The following MROH1 variants were observed in gnomAD, a reference collection of about 807,000 sequenced individuals.
MROH1 encodes the protein maestro heat-like repeat-containing protein family member 1.
A neutral mutation model predicts 116.5 loss-of-function variants in MROH1; 117 were observed. The ratio of observed to expected loss-of-function variants is 1.00; its 90% CI spans 0.86 to 1.17. The LOEUF (loss-of-function observed/expected upper bound fraction) is 1.17, where lower values mean the gene tolerates loss of function less well. Ranked by LOEUF, MROH1 falls within the 50% of genes most tolerant of loss-of-function variation. The probability of loss-of-function intolerance (pLI) is 0.00; values close to 1 mark genes in which losing one functional copy is unlikely to be tolerated. For missense variants in MROH1, 1,873 were observed against 1,338.5 expected (o/e 1.40, Z -6.23); for synonymous variants, 921 against 583.9 (o/e 1.58, Z -8.32).
At chr8:144,173,561 G>T (rs993708739) in intron 4 of MROH1, among the ~76,000 whole-genome samples, 9 of 151,946 alleles carry the variant, frequency 5.9e-5, no homozygotes, top group Non-Finnish European at 1.3e-4. Flanking sequence ...GAGTAGCTGG[G>T]ATTACAGGTG....
intron 32 of MROH1, among the ~76,000 whole-genome samples, chr8:144,249,860 C>T (rs886918905): frequency 9.9e-5 from 15 of 152,192 alleles, no homozygotes; most frequent in African/African-American, 3.1e-4. Context: ...GCCAGGGGAG[C>T]CTGAGAGTTG....
chr8:144,236,720 G>A (rs970455406), intron 14 of MROH1, among the ~76,000 whole-genome samples: 1 of 151,016 alleles, frequency 6.6e-6, no homozygotes, highest in African/African-American at 2.4e-5. Context: ...TCCAGCCTGG[G>A]TGACAGAGCG....
At position 144,243,619 on chromosome 8, in the gene MROH1, G is replaced by A. The variant is rs1214792822; in HGVS notation, c.2475+3G>A. 1.3e-6 allele frequency: 1 copy of A among 778,984 alleles called. No homozygotes were observed. The highest frequency in any genetic ancestry group is 2.4e-6 in the Non-Finnish European group (1 of 417,838). The allele number at this position is 778,984 out of a possible 1,614,324, so 48.3% of individuals were successfully genotyped here. A position where few individuals can be genotyped will look rare whatever the true frequency, so the allele number is the denominator to read the frequency against. ...CAGAGCTGGTGGCACAGATGATGGT[G>A]AGCGTGGCCGTGGCCTGGCAGGTCC... is the stretch of plus-strand genomic sequence containing the variant. On this transcript the variant is annotated splice_donor_region_variant and intron_variant, in intron 25 of 43. Coordinates refer to ENST00000326134, the MANE Select transcript of MROH1 (RefSeq NM_032450.3).
intron 3 of MROH1, among the ~76,000 whole-genome samples, chr8:144,165,234 T>C (rs1056041129): frequency 6.6e-6 from 1 of 151,790 alleles, no homozygotes; most frequent in African/African-American, 2.4e-5. Context: ...TCTCCCTGCC[T>C]CAGCCTCCAG....
intron 11 of MROH1, 54 bp downstream of exon 11, chr8:144,199,254 ACTG>A: frequency 6.4e-7 from 1 of 1,563,386 alleles, no homozygotes; most frequent in Non-Finnish European, 8.7e-7. Context: ...TCACAGGGTC[ACTG>A]CCTGCTGTAT....
chr8:144,247,113 C>T (rs1842050905), intron 29 of MROH1, among the ~76,000 whole-genome samples, 188 bp from the exon 30 acceptor site: 1 of 152,050 alleles, frequency 6.6e-6, no homozygotes, highest in Non-Finnish European at 1.5e-5. Context: ...AGCTGAGCAG[C>T]GCCCACGCTG....
intron 4 of MROH1, 51 bp downstream of exon 4, chr8:144,168,491 G>C: frequency 1.3e-6 from 2 of 1,549,812 alleles, no homozygotes; most frequent in Non-Finnish European, 1.7e-6. Context: ...TGGTCGGTTG[G>C]GGCTTACTTG....
chr8:144,224,392 G>T (rs554997057), intron 14 of MROH1, among the ~76,000 whole-genome samples: 20 of 152,170 alleles, frequency 1.3e-4, no homozygotes, highest in Admixed American at 1.2e-3. Flanking sequence ...TCAGCCTCCT[G>T]AGTAGCTGGG....
In MROH1 at chr8:144,244,468, G is replaced by A. The variant is rs929375986; in HGVS notation, c.2695G>A (p.Ala899Thr). The part of the protein sequence containing the change: ...QKSLYLETLH[A>T]LEDLLTSLLQ... Reference sequence around the variant, plus strand: ...GTCCCTGTATCTGGAGACACTGCACGCCCTTGAGGATCTGCTGACGAGCCT... The same window carrying A: ...GTCCCTGTATCTGGAGACACTGCACACCCTTGAGGATCTGCTGACGAGCCT... The change falls in exon 28 of 44, where the codon GCC becomes ACC. Residue 899 changes from alanine (A) to threonine (T), a missense_variant. Ala to Thr is a moderately conservative substitution (Grantham distance 58). Transcript: ENST00000326134. 19 of 771,350 alleles carry A rather than the reference G, an allele frequency of 2.5e-5. No individual in the cohort carries two copies. Among genetic ancestry groups the A allele is most frequent in the African/African-American group, 1.7e-4 (10 of 59,048 alleles). The allele number at this position is 771,350 out of a possible 1,614,324, so 47.8% of individuals were successfully genotyped here.
chr8:144,239,085 G>A lies in MROH1; in HGVS notation c.1497G>A (p.Gly499=). ...LQFLTPVRFT[G]ALTPLCRSLV... is the part of the protein sequence containing the mutation. ...TCCTCACCCCTGTGCGCTTCACTGGGGCCCTGACTCCGCTCTGCAGGAGCC... is the reference window on the plus strand; with the variant it reads ...TCCTCACCCCTGTGCGCTTCACTGGAGCCCTGACTCCGCTCTGCAGGAGCC... The change falls in exon 16 of 44, where the codon GGG becomes GGA. Residue 499 remains glycine (G), a synonymous_variant. Transcript: ENST00000326134. 1.3e-6 allele frequency: 1 copy of A among 777,310 alleles called. No homozygotes were observed. Among genetic ancestry groups the A allele is most frequent in the South Asian group, 1.3e-5 (1 of 74,588 alleles). The allele number at this position is 777,310 out of a possible 1,614,324, so 48.2% of individuals were successfully genotyped here.
chr8:144,190,876 G>A lies in MROH1; in HGVS notation c.655G>A (p.Asp219Asn), dbSNP rs538192573. 1.2e-5 allele frequency: 19 copies of A among 1,613,750 alleles called. No individual in the cohort carries two copies. Among genetic ancestry groups the A allele is most frequent in the Middle Eastern group, 1.6e-4 (1 of 6,062 alleles). ...PTVRKDAFAT[D>N]IFSAYDVLFH... Reference sequence around the variant, plus strand: ...GGTCAGGAAGGACGCCTTTGCCACCGACATCTTCAGCGCCTACGATGTTCT... The same window carrying A: ...GGTCAGGAAGGACGCCTTTGCCACCAACATCTTCAGCGCCTACGATGTTCT... Residue 219 changes from aspartate (D) to asparagine (N), a missense_variant, in exon 8 of 44, where the codon GAC (aspartate) becomes AAC (asparagine). Physicochemically the swap from Asp to Asn is conservative, Grantham distance 23. Coordinates refer to ENST00000326134, the MANE Select transcript of MROH1 (RefSeq NM_032450.3).
intron 4 of MROH1, among the ~76,000 whole-genome samples, chr8:144,179,203 G>T (rs1026215546): frequency 3.9e-5 from 6 of 152,016 alleles, no homozygotes; most frequent in African/African-American, 9.7e-5. Flanking sequence ...GAGGAGAGAA[G>T]CCCCCCGCCT....
At chr8:144,216,024 A>G (rs1199369116) in intron 12 of MROH1, among the ~76,000 whole-genome samples, 5 of 151,986 alleles carry the variant, frequency 3.3e-5, no homozygotes, top group African/African-American at 1.2e-4. Context: ...CATCTCTACT[A>G]AAAATACAAA....
intron 1 of MROH1, among the ~76,000 whole-genome samples, chr8:144,157,409 G>C (rs1441236410): frequency 1.3e-5 from 2 of 152,184 alleles, no homozygotes; most frequent in Non-Finnish European, 2.9e-5. Context: ...TGTTATGAGA[G>C]TAATGCTCAG....
At position 144,236,896 on chromosome 8, in the gene MROH1, CTTTTTTTTTTTTTTT is replaced by C. The variant is rs1164804321; in HGVS notation, c.1339-1847_1339-1833del. On this transcript the variant is annotated intron_variant, in intron 14 of 43. Transcript: ENST00000326134. ...TGTTGTGACAGAGCCTCTCCTATTC[CTTTTTTTTTTTTTTT>C]TTTTTTTTTTTTGAGATGGAGTCTC... Among the ~76,000 whole-genome samples the C allele has an allele frequency of 7.9e-3, 547 of 69,348 alleles. 3 individuals carry two copies. The highest frequency in any genetic ancestry group is 0.015 in the South Asian group (30 of 2,032). 45.5% of individuals were successfully genotyped at this position (69,348 alleles called of 152,430 possible). A position where few individuals can be genotyped will look rare whatever the true frequency, so the allele number is the denominator to read the frequency against.
chr8:144,179,380 G>T, intron 4 of MROH1, 75 bp from the exon 5 acceptor site: 1 of 1,582,146 alleles, frequency 6.3e-7, no homozygotes. Flanking sequence ...TCATCTTGTA[G>T]AGACAGTGAC....
At chr8:144,240,933 C>CGCTGG in intron 20 of MROH1, 59 bp from the exon 21 acceptor site, 2 of 716,140 alleles carry the variant, frequency 2.8e-6, no homozygotes, top group Non-Finnish European at 5.2e-6. Flanking sequence ...CCCATGGCAG[C>CGCTGG]GCTGGGTCTC....
intron 12 of MROH1, among the ~76,000 whole-genome samples, chr8:144,203,731 G>C (rs1035962584): frequency 6.6e-6 from 1 of 152,172 alleles, no homozygotes; most frequent in African/African-American, 2.4e-5. Context: ...CATGCACTCA[G>C]CCTCTGGTGG....
At chr8:144,208,246 C>T (rs2132039902) in intron 12 of MROH1, among the ~76,000 whole-genome samples, 1 of 152,182 alleles carries the variant, frequency 6.6e-6, no homozygotes, top group African/African-American at 2.4e-5. Context: ...ACCCGGCCTG[C>T]AAGGTTATTT....
Sources: allele counts gnomAD v4.1 joint callset (sites outside exome capture counted in the v4.1 genomes callset), GRCh38; gene constraint gnomAD v4.1.1; transcripts MANE v1.5; gene names NCBI Gene and HGNC (gene_info 2026-07-23, HGNC 2026-07-21).